The following ZFP64 variants were observed in gnomAD, a reference collection of about 807,000 sequenced individuals.
ZFP64 encodes the protein ZFP64 zinc finger protein.
Under a neutral mutation model 51.6 loss-of-function variants are expected in ZFP64, and 14 were observed. The ratio of observed to expected loss-of-function variants is 0.27; its 90% CI spans 0.18 to 0.42. ZFP64 has a LOEUF of 0.42. ZFP64 is among the 10% of genes least tolerant of loss of function. The probability of loss-of-function intolerance (pLI) is 1.00; values close to 1 mark genes in which losing one functional copy is unlikely to be tolerated. For synonymous variants in ZFP64, 375 were observed against 361.4 expected (o/e 1.04, Z -0.43); for missense variants, 754 against 906.8 (o/e 0.83, Z 2.16).
intron 5 of ZFP64, among the ~76,000 whole-genome samples, chr20:52,119,562 A>T (rs1488773669): frequency 1.1e-5 from 1 of 94,036 alleles, no homozygotes; most frequent in Non-Finnish European, 2.4e-5. Context: ...ATACATATAT[A>T]TATATACACA....
intron 5 of ZFP64, among the ~76,000 whole-genome samples, chr20:52,119,688 C>G (rs1979081074): frequency 6.6e-6 from 1 of 151,038 alleles, no homozygotes; most frequent in African/African-American, 2.4e-5. Flanking sequence ...TTGCTTGAAC[C>G]TGGGAGGCGG....
chr20:52,162,995 G>A (rs1485865732), intron 4 of ZFP64, among the ~76,000 whole-genome samples: 2 of 152,180 alleles, frequency 1.3e-5, no homozygotes, highest in East Asian at 1.9e-4. Context: ...TATTTTCTGC[G>A]GATTTGCAGA....
intron 5 of ZFP64, among the ~76,000 whole-genome samples, chr20:52,100,910 G>A (rs368901271): frequency 7.9e-5 from 12 of 152,276 alleles, no homozygotes; most frequent in Admixed American, 2.0e-4. Flanking sequence ...TTCAGATGTC[G>A]CAAGTGAGGA....
chr20:52,171,392 C>T (rs61463378), intron 2 of ZFP64, among the ~76,000 whole-genome samples: 7,302 of 151,674 alleles, frequency 0.048, 479 homozygotes, highest in East Asian at 0.15. Context: ...TCTGTGTATG[C>T]GTATGCGTAT....
At chr20:52,103,060 G>C (rs1025569118) in intron 5 of ZFP64, among the ~76,000 whole-genome samples, 1 of 151,866 alleles carries the variant, frequency 6.6e-6, no homozygotes, top group Non-Finnish European at 1.5e-5. Flanking sequence ...AGACACCCAG[G>C]AAACCAAAGA....
Position 52,187,088 on chromosome 20 carries a change from G to A in ZFP64, c.47-17C>T. The A allele has an allele frequency of 6.3e-7, 1 of 1,592,692 alleles. No individual in the cohort carries two copies. Among genetic ancestry groups the A allele is most frequent in the Non-Finnish European group, 8.6e-7 (1 of 1,163,698 alleles). On this transcript the variant is annotated splice_polypyrimidine_tract_variant and intron_variant, in intron 1 of 5. Coordinates refer to ENST00000216923, the MANE Select transcript of ZFP64 (RefSeq NM_018197.3). ...CACCTGGAACTCCATGGGACAAAGG[G>A]AAAGTAACGGATTAATTCCAAACAG...
chr20:52,095,954 G>C (rs1445327923), intron 7 of ZFP64, among the ~76,000 whole-genome samples: 4 of 152,160 alleles, frequency 2.6e-5, no homozygotes, highest in Non-Finnish European at 5.9e-5. Flanking sequence ...TCCTCAAAGG[G>C]CTCCTGAATC....
At chr20:52,106,878 CAT>C (rs1309190155) in intron 5 of ZFP64, among the ~76,000 whole-genome samples, 2 of 152,166 alleles carry the variant, frequency 1.3e-5, no homozygotes, top group Non-Finnish European at 2.9e-5. Flanking sequence ...GGGCGGATCA[CAT>C]GAGGTTAGGA....
At position 52,151,341 on chromosome 20, in the gene ZFP64, A is replaced by C; in HGVS notation, c.*805T>G. The C allele has an allele frequency of 1.0e-6, 1 of 975,932 alleles. No individual in the cohort carries two copies. The highest frequency in any genetic ancestry group is 1.2e-6 in the Non-Finnish European group (1 of 821,944). The allele number at this position is 975,932 out of a possible 1,614,324, so 60.5% of individuals were successfully genotyped here. A position where few individuals can be genotyped will look rare whatever the true frequency, so the allele number is the denominator to read the frequency against. ...CATTTTCTGCTCATTAGCACTAAACATTTTTTTTTGGGTCAAGTATCCATG... is the reference window on the plus strand; with the variant it reads ...CATTTTCTGCTCATTAGCACTAAACCTTTTTTTTTGGGTCAAGTATCCATG... On this transcript the variant is annotated 3_prime_UTR_variant, in exon 6 of 6. Coordinates refer to ENST00000216923, the MANE Select transcript of ZFP64 (RefSeq NM_018197.3).
At chr20:52,135,318 C>T (rs531241337) in intron 5 of ZFP64, among the ~76,000 whole-genome samples, 12 of 152,258 alleles carry the variant, frequency 7.9e-5, no homozygotes, top group African/African-American at 2.4e-4. Context: ...GTGGCTATTT[C>T]CCTGCTACCC....
At chr20:52,113,774 C>A (rs6096760) in intron 5 of ZFP64, among the ~76,000 whole-genome samples, 6 of 151,734 alleles carry the variant, frequency 4.0e-5, no homozygotes, top group Non-Finnish European at 8.8e-5. Context: ...TTATTGCCTG[C>A]CTCTGCTCTA....
Position 52,110,615 on chromosome 20 carries a change from C to T in ZFP64, c.764-12028G>A, listed in dbSNP as rs929789120. The T allele has an allele frequency of 4.5e-6, 4 of 882,486 alleles. No homozygotes were observed. The South Asian group carries it at 6.5e-5, about 14-fold the overall frequency. 54.7% of individuals were successfully genotyped at this position (882,486 alleles called of 1,614,324 possible). ...GCCTAGCGGGCCTCCACGCCAGAGG[C>T]CCTGATGAACTCCTGGCCAGGGTGT... On this transcript the variant is annotated intron_variant, in intron 5 of 8. Coordinates refer to the ZFP64 transcript ENST00000361387.
chr20:52,101,246 C>G (rs1010763237), intron 5 of ZFP64, among the ~76,000 whole-genome samples: 3 of 152,198 alleles, frequency 2.0e-5, no homozygotes, highest in Non-Finnish European at 4.4e-5. Context: ...CTGATACTAT[C>G]TGTGTCACAA....
At chr20:52,104,746 C>G (rs985308048) in intron 5 of ZFP64, 2 of 518,578 alleles carry the variant, frequency 3.9e-6, no homozygotes, top group African/African-American at 3.9e-5. Context: ...GAAACGTAAC[C>G]CCAAGGCAAG....
At chr20:52,086,201 G>T (rs1229807666) in intron 8 of ZFP64, among the ~76,000 whole-genome samples, 3 of 152,148 alleles carry the variant, frequency 2.0e-5, no homozygotes, top group African/African-American at 7.2e-5. Context: ...AAGTTCAGAA[G>T]CCAACTATAA....
At position 52,151,936 on chromosome 20, in the gene ZFP64, C is replaced by T; in HGVS notation, c.*210G>A. ...CCTGTGGTCCCAGCTACTCGGAGGG[C>T]TGAGGCATGAGAATCGCTTGAACCT... On this transcript the variant is annotated 3_prime_UTR_variant, in exon 6 of 6. Coordinates refer to ENST00000216923, the MANE Select transcript of ZFP64 (RefSeq NM_018197.3). 6 of 1,178,404 alleles carry T rather than the reference C, an allele frequency of 5.1e-6. No individual in the cohort carries two copies. Among genetic ancestry groups the T allele is most frequent in the Non-Finnish European group, 5.7e-6 (5 of 882,024 alleles). 73.0% of individuals were successfully genotyped at this position (1,178,404 alleles called of 1,614,324 possible).
intron 2 of ZFP64, among the ~76,000 whole-genome samples, chr20:52,177,859 C>T (rs1337131148): frequency 1.3e-5 from 2 of 151,918 alleles, no homozygotes; most frequent in Non-Finnish European, 2.9e-5. Context: ...GGTGAAACCC[C>T]GTCACTACTA....
exon 9 of ZFP64, chr20:52,084,453 C>G: frequency 8.4e-7 from 1 of 1,197,230 alleles, no homozygotes; most frequent in South Asian, 1.6e-5. Context: ...CGGCCAGCCC[C>G]AGAAGTGGTG....
intron 5 of ZFP64, among the ~76,000 whole-genome samples, chr20:52,103,666 C>T (rs1600708299): frequency 6.6e-6 from 1 of 152,198 alleles, no homozygotes; most frequent in Non-Finnish European, 1.5e-5. Context: ...ACACCTCCCC[C>T]AAAAGACTCA....
Sources: gnomAD v4.1 joint callset for allele counts (sites outside exome capture counted in the v4.1 genomes callset) on GRCh38, gnomAD v4.1.1 for gene constraint, MANE v1.5 for transcripts, NCBI Gene and HGNC (gene_info 2026-07-23, HGNC 2026-07-21) for gene names.